The following VRK2 variants were observed in gnomAD, a reference collection of about 807,000 sequenced individuals.
VRK2 encodes the protein VRK serine/threonine kinase 2.
VRK2 carries 60 observed loss-of-function variants against 57.6 expected under a neutral mutation model. That is an observed-to-expected ratio of 1.04 (90% CI 0.85 to 1.29). VRK2 has a LOEUF of 1.29. Ranked by LOEUF, VRK2 falls within the 50% of genes most tolerant of loss-of-function variation. VRK2 has a pLI of 0.00. For missense variants in VRK2, 705 were observed against 588.1 expected (o/e 1.20, Z -2.06); for synonymous variants, 231 against 199.2 (o/e 1.16, Z -1.35).
At chr2:58,115,283 C>T (rs1049737096) in intron 7 of VRK2, among the ~76,000 whole-genome samples, 1 of 151,954 alleles carries the variant, frequency 6.6e-6, no homozygotes, top group African/African-American at 2.4e-5. Flanking sequence ...GGTGTGGTAT[C>T]AGGAATAATG....
intron 2 of VRK2, among the ~76,000 whole-genome samples, chr2:58,052,321 G>A (rs1253247277): frequency 6.6e-6 from 1 of 152,092 alleles, no homozygotes; most frequent in African/African-American, 2.4e-5. Flanking sequence ...TAATACTGGT[G>A]CCATAGTGGG....
At chr2:58,024,412 C>T (rs184461543) in intron 1 of VRK2, among the ~76,000 whole-genome samples, 220 of 152,004 alleles carry the variant, frequency 1.4e-3, no homozygotes, top group Non-Finnish European at 2.0e-3. Context: ...TGGGGGGGTG[C>T]TATTACATTA....
At chr2:57,926,997 CTTGT>C (rs1340084538) in intron 1 of VRK2, among the ~76,000 whole-genome samples, 86 of 130,320 alleles carry the variant, frequency 6.6e-4, no homozygotes, top group African/African-American at 2.2e-3. Context: ...GTTTTAATTT[CTTGT>C]GTGTGTGTGT....
intron 1 of VRK2, among the ~76,000 whole-genome samples, chr2:57,958,975 T>C (rs1671672884): frequency 6.6e-6 from 1 of 152,196 alleles, no homozygotes; most frequent in South Asian, 2.1e-4. Context: ...ATCTTGCTAA[T>C]GTTAATATAG....
Position 57,983,576 on chromosome 2 carries a change from G to T in VRK2, c.-438-42089G>T, listed in dbSNP as rs550315197. Among the ~76,000 whole-genome samples the T allele has an allele frequency of 6.0e-4, 92 of 152,112 alleles. 1 individual carries two copies. Among genetic ancestry groups the T allele is most frequent in the Non-Finnish European group, 5.7e-4 (39 of 68,028 alleles). ...AAAGGCATAGAAAAAAACTAATAAT[G>T]GATTCTAGATCGAAAGTATTTGCCT... is the stretch of plus-strand genomic sequence containing the variant. On this transcript the variant is annotated intron_variant, in intron 1 of 15. Coordinates refer to the VRK2 transcript ENST00000417641.
At chr2:58,149,996 CTTTTTTTT>C (rs55783668) in intron 12 of VRK2, among the ~76,000 whole-genome samples, 10 of 108,330 alleles carry the variant, frequency 9.2e-5, no homozygotes, top group African/African-American at 2.1e-4. Flanking sequence ...TTTTTCTTTT[CTTTTTTTT>C]TTTTTTTTTT....
intron 1 of VRK2, among the ~76,000 whole-genome samples, chr2:57,949,525 T>G (rs538341283): frequency 3.3e-5 from 5 of 152,314 alleles, no homozygotes; most frequent in Admixed American, 3.3e-4. Context: ...AGTGGCAAAC[T>G]TAATTGATAA....
intron 2 of VRK2, chr2:58,058,292 A>G (rs1676827833): frequency 2.2e-6 from 1 of 460,168 alleles, no homozygotes. Context: ...GCCTTTTAAT[A>G]GGGATGCTGT....
chr2:57,970,213 T>C (rs1672053372), intron 1 of VRK2, among the ~76,000 whole-genome samples: 3 of 149,110 alleles, frequency 2.0e-5, no homozygotes, highest in Non-Finnish European at 3.0e-5. Flanking sequence ...TATATTTACA[T>C]ATATATACAC....
At chr2:58,078,181 C>T (rs1670395736) in intron 2 of VRK2, among the ~76,000 whole-genome samples, 1 of 152,088 alleles carries the variant, frequency 6.6e-6, no homozygotes, top group Non-Finnish European at 1.5e-5. Flanking sequence ...TGGAAACCAG[C>T]ATTCTACTTT....
chr2:57,998,932 G>A (rs1471485469), intron 1 of VRK2, among the ~76,000 whole-genome samples: 4 of 152,262 alleles, frequency 2.6e-5, no homozygotes, highest in African/African-American at 7.2e-5. Context: ...TATCTGTACT[G>A]TAAGATCAAA....
chr2:58,033,909 T>C (rs1042144818), intron 3 of VRK2, among the ~76,000 whole-genome samples: 2 of 152,062 alleles, frequency 1.3e-5, no homozygotes, highest in Non-Finnish European at 2.9e-5. Flanking sequence ...GTTAATCTGA[T>C]ACAATTTCCT....
At chr2:57,964,083 G>A (rs1203545037) in intron 1 of VRK2, among the ~76,000 whole-genome samples, 2 of 152,004 alleles carry the variant, frequency 1.3e-5, no homozygotes, top group Non-Finnish European at 2.9e-5. Context: ...TGAGGGTTAG[G>A]GAGCTAGCCC....
At chr2:57,953,419 G>A (rs56897242) in intron 1 of VRK2, among the ~76,000 whole-genome samples, 10,057 of 151,934 alleles carry the variant, frequency 0.066, 1,097 homozygotes, top group African/African-American at 0.23. Context: ...TTTTCTTTTG[G>A]TTCATTAGCC....
rs1373679205 is a variant in VRK2, at chr2:58,139,722, A to C, written c.913A>C (p.Asn305His). ...AHSLAYDEKPNYQALKKILNP... is the reference protein window; with the variant it reads ...AHSLAYDEKPHYQALKKILNP... ...TAGTTTAGCATATGATGAAAAGCCA[A>C]ACTATCAAGCCCTCAAGAAAATTTT... is the stretch of plus-strand genomic sequence containing the variant. The change falls in exon 11 of 13, where the codon AAC becomes CAC. Residue 305 changes from asparagine to histidine, a missense_variant. Asn to His is a moderately conservative substitution (Grantham distance 68). Transcript: ENST00000340157. 1.2e-6 allele frequency: 2 copies of C among 1,613,242 alleles called. No individual in the cohort carries two copies. The highest frequency in any genetic ancestry group is 1.7e-5 in the Admixed American group (1 of 59,950).
chr2:58,111,471 G>A (rs1675555301), intron 7 of VRK2, among the ~76,000 whole-genome samples: 1 of 152,146 alleles, frequency 6.6e-6, no homozygotes, highest in Non-Finnish European at 1.5e-5. Flanking sequence ...GCATTAAGGA[G>A]TCTGGGCGTG....
chr2:58,057,097 C>T (rs574733345), intron 2 of VRK2, among the ~76,000 whole-genome samples: 6 of 152,118 alleles, frequency 3.9e-5, no homozygotes, highest in Admixed American at 1.3e-4. Flanking sequence ...TGCACACAGA[C>T]ACTACATTAT....
At chr2:58,137,204 C>CATATATGAGATACATGTATCAT (rs1680561383) in intron 10 of VRK2, among the ~76,000 whole-genome samples, 1 of 16,076 alleles carries the variant, frequency 6.2e-5, no homozygotes, top group African/African-American at 1.9e-4. Context: ...ATATATATCT[C>CATATATGAGATACATGTATCAT]ATATATGATA....
At chr2:57,913,212 C>G (rs1482227194) in intron 1 of VRK2, among the ~76,000 whole-genome samples, 2 of 152,194 alleles carry the variant, frequency 1.3e-5, no homozygotes, top group Non-Finnish European at 2.9e-5. Flanking sequence ...GGGATTCAAT[C>G]TTGGCCCTAC....
Sources: allele counts gnomAD v4.1 joint callset (sites outside exome capture counted in the v4.1 genomes callset), GRCh38; gene constraint gnomAD v4.1.1; transcripts MANE v1.5; gene names NCBI Gene and HGNC (gene_info 2026-07-23, HGNC 2026-07-21).